The following HK1 variants were observed in gnomAD, a reference collection of about 807,000 sequenced individuals.
The protein encoded by HK1 is hexokinase-1.
A neutral mutation model predicts 91.6 loss-of-function variants in HK1; 28 were observed. The ratio of observed to expected loss-of-function variants is 0.31; its 90% CI spans 0.23 to 0.42. The LOEUF is 0.42. HK1 is among the 10% of genes least tolerant of loss of function. The pLI is 1.00. For missense variants in HK1, 770 were observed against 1,219.8 expected, an observed-to-expected ratio of 0.63 and a Z score of 5.49; for synonymous variants, 430 against 468.1, an observed-to-expected ratio of 0.92 and a Z score of 1.05.
intron 17 of HK1, among the ~76,000 whole-genome samples, chr10:69,400,228 G>A (rs1347957656): frequency 6.6e-6 from 1 of 152,148 alleles, no homozygotes; most frequent in Non-Finnish European, 1.5e-5. Flanking sequence ...TCCCACCTTG[G>A]CCTCCCAAAG....
At chr10:69,310,065 A>AG (rs1437253149) in intron 5 of HK1, among the ~76,000 whole-genome samples, 10 of 150,460 alleles carry the variant, frequency 6.6e-5, no homozygotes, top group African/African-American at 2.2e-4. Flanking sequence ...AAAAAAAAAA[A>AG]AGAGATTGTA....
chr10:69,344,002 C>T lies in HK1; in HGVS notation c.226+13C>T. On this transcript the variant is annotated intron_variant, in intron 2 of 17. Coordinates refer to ENST00000359426, the MANE Select transcript of HK1 (RefSeq NM_000188.3). The stretch of plus-strand genomic sequence containing the variant: ...CCTGATGGCTCTGGTAAGTCTGTCA[C>T]CCAGAGATTGAACCCTGAGGGCTAA... 1 of 1,613,044 alleles carries T rather than the reference C, an allele frequency of 6.2e-7. No homozygotes were observed. Among genetic ancestry groups the T allele is most frequent in the Non-Finnish European group, 8.5e-7 (1 of 1,178,986 alleles).
chr10:69,384,559 C>T (rs868289978), intron 11 of HK1, 78 bp downstream of exon 11: 52 of 1,572,792 alleles, frequency 3.3e-5, no homozygotes, highest in South Asian at 1.6e-4. Context: ...GACCAAAATC[C>T]GCCACGGGGT....
chr10:69,278,102 G>A (rs2132418994), intron 1 of HK1, among the ~76,000 whole-genome samples: 1 of 152,180 alleles, frequency 6.6e-6, no homozygotes, highest in Non-Finnish European at 1.5e-5. Flanking sequence ...CACAAAAATA[G>A]ATCTGATGGT....
intron 3 of HK1, among the ~76,000 whole-genome samples, chr10:69,290,187 G>C (rs1845233035): frequency 6.6e-6 from 1 of 152,140 alleles, no homozygotes; most frequent in African/African-American, 2.4e-5. Flanking sequence ...CCTGAGCCCA[G>C]AACACTCTCA....
chr10:69,349,565 C>T (rs1358772730), intron 2 of HK1, among the ~76,000 whole-genome samples: 1 of 152,300 alleles, frequency 6.6e-6, no homozygotes, highest in East Asian at 1.9e-4. Context: ...TCGCTGGCAT[C>T]TCTGTGATGT....
At chr10:69,389,813 A>G (rs560617203) in intron 14 of HK1, among the ~76,000 whole-genome samples, 7 of 152,314 alleles carry the variant, frequency 4.6e-5, no homozygotes, top group African/African-American at 1.7e-4. Context: ...GCATGGTCCC[A>G]GCCACTGAAG....
chr10:69,381,649 G>A (rs1217379121), intron 9 of HK1, among the ~76,000 whole-genome samples: 1 of 151,118 alleles, frequency 6.6e-6, no homozygotes, highest in Non-Finnish European at 1.5e-5. Context: ...TGCCTCCCAG[G>A]TTCCAGCAAT....
At chr10:69,308,769 T>C (rs2132525829) in intron 5 of HK1, among the ~76,000 whole-genome samples, 1 of 152,234 alleles carries the variant, frequency 6.6e-6, no homozygotes, top group Non-Finnish European at 1.5e-5. Context: ...TTCTCTCAAT[T>C]AGGCACTAGA....
At chr10:69,356,156 G>A (rs565649784) in intron 2 of HK1, among the ~76,000 whole-genome samples, 1 of 152,264 alleles carries the variant, frequency 6.6e-6, no homozygotes, top group Non-Finnish European at 1.5e-5. Context: ...TTAAAACTTG[G>A]CCATGCTTGG....
intron 7 of HK1, among the ~76,000 whole-genome samples, chr10:69,375,040 G>A (rs1839018688): frequency 1.5e-5 from 2 of 129,302 alleles, no homozygotes; most frequent in South Asian, 2.6e-4. Context: ...AGATCTAACT[G>A]GATTCAAAAT....
At chr10:69,310,102 A>G (rs1482652023) in intron 5 of HK1, among the ~76,000 whole-genome samples, 3 of 142,066 alleles carry the variant, frequency 2.1e-5, no homozygotes, top group Non-Finnish European at 3.0e-5. Context: ...TGGGTGACGG[A>G]GTGAAACTCC....
intron 3 of HK1, among the ~76,000 whole-genome samples, chr10:69,294,019 G>A (rs558537290): frequency 1.0e-3 from 155 of 151,416 alleles, no homozygotes; most frequent in East Asian, 4.7e-3. Context: ...CCACCACCAC[G>A]CCCGGCTGAT....
chr10:69,286,944 G>A (rs116789673), intron 2 of HK1, among the ~76,000 whole-genome samples: 2,773 of 152,272 alleles, frequency 0.018, 80 homozygotes, highest in African/African-American at 0.063. Flanking sequence ...AAGGCTTTAC[G>A]CTTTCAGCCA....
At chr10:69,297,319 G>C (rs146249680) in intron 4 of HK1, among the ~76,000 whole-genome samples, 1 of 152,246 alleles carries the variant, frequency 6.6e-6, no homozygotes, top group East Asian at 1.9e-4. Flanking sequence ...TCTTCACTTT[G>C]TGTAGGCTGA....
intron 9 of HK1, 22 bp from the exon 10 acceptor site, chr10:69,382,465 A>ATGTC: frequency 1.9e-6 from 3 of 1,613,680 alleles, no homozygotes; most frequent in Non-Finnish European, 2.5e-6. Context: ...CTGTTGTGGA[A>ATGTC]TGTCCCCCCT....
At chr10:69,349,500 A>G (rs1344664607) in intron 2 of HK1, among the ~76,000 whole-genome samples, 2 of 152,240 alleles carry the variant, frequency 1.3e-5, no homozygotes, top group Admixed American at 6.5e-5. Flanking sequence ...CGCACCCAGC[A>G]GGCCTGAATG....
At chr10:69,317,928 C>T, upstream of HK1, 1 of 426,344 alleles carries the variant, frequency 2.3e-6, no homozygotes, top group Non-Finnish European at 3.1e-6. Flanking sequence ...GGAGTCCTCC[C>T]ATCCTACGTA....
At chr10:69,270,516 G>C (rs1447444312) in intron 1 of HK1, among the ~76,000 whole-genome samples, 1 of 152,070 alleles carries the variant, frequency 6.6e-6, no homozygotes, top group African/African-American at 2.4e-5. Context: ...CCAGGAGGTA[G>C]AGGTTGCAGT....
Sources: allele counts gnomAD v4.1 joint callset (sites outside exome capture counted in the v4.1 genomes callset), GRCh38; gene constraint gnomAD v4.1.1; transcripts MANE v1.5; gene names NCBI Gene and HGNC (gene_info 2026-07-23, HGNC 2026-07-21).